The following ABCG2 variants were observed in gnomAD, a reference collection of about 807,000 sequenced individuals.
ABCG2 encodes the protein broad substrate specificity ATP-binding cassette transporter ABCG2.
A neutral mutation model predicts 73.5 loss-of-function variants in ABCG2; 80 were observed. The ratio of observed to expected loss-of-function variants is 1.09; its 90% CI spans 0.91 to 1.31. The LOEUF (loss-of-function observed/expected upper bound fraction) is 1.31, where lower values mean the gene tolerates loss of function less well. ABCG2 is among the 50% of genes most tolerant of loss of function. The pLI is 0.00. For synonymous variants in ABCG2, 269 were observed against 282.4 expected, an observed-to-expected ratio of 0.95 and a Z score of 0.48; for missense variants, 796 against 786.2, an observed-to-expected ratio of 1.01 and a Z score of -0.15.
At chr4:88,211,256 T>C (rs570727555) in intron 1 of ABCG2, among the ~76,000 whole-genome samples, 9 of 152,002 alleles carry the variant, frequency 5.9e-5, no homozygotes, top group African/African-American at 2.2e-4. Flanking sequence ...CACGTGCTTG[T>C]TTGTTACATA....
At chr4:88,107,638 A>G (rs764838978) in intron 9 of ABCG2, among the ~76,000 whole-genome samples, 1 of 152,220 alleles carries the variant, frequency 6.6e-6, no homozygotes, top group Non-Finnish European at 1.5e-5. Flanking sequence ...AGCAAAGTCC[A>G]AGTGCCTAAG....
At chr4:88,131,767 A>C (rs1440185096) in intron 4 of ABCG2, 36 bp downstream of exon 4, 2 of 1,494,346 alleles carry the variant, frequency 1.3e-6, no homozygotes, top group African/African-American at 2.8e-5. Context: ...ATATAGAAAC[A>C]GAGGAAACAG....
At chr4:88,227,445 T>G (rs1730267314) in intron 1 of ABCG2, among the ~76,000 whole-genome samples, 1 of 152,100 alleles carries the variant, frequency 6.6e-6, no homozygotes, top group Non-Finnish European at 1.5e-5. Context: ...AAAAGTACAC[T>G]AATACCCCCT....
intron 1 of ABCG2, among the ~76,000 whole-genome samples, chr4:88,153,216 G>A (rs1437158706): frequency 2.6e-4 from 3 of 11,594 alleles, no homozygotes; most frequent in Admixed American, 2.8e-3. Flanking sequence ...TAAACCGGCA[G>A]TGTAAACAAG....
chr4:88,172,412 T>C (rs1328534438), intron 1 of ABCG2, among the ~76,000 whole-genome samples: 3 of 151,600 alleles, frequency 2.0e-5, no homozygotes, highest in Non-Finnish European at 4.4e-5. Flanking sequence ...ACCCCGTCTC[T>C]ACTAAAAATA....
Position 88,095,551 on chromosome 4 carries a change from T to C in ABCG2, c.1706A>G (p.Gln569Arg), listed in dbSNP as rs770722837. 1.2e-6 allele frequency: 2 copies of C among 1,613,740 alleles called. No homozygotes were observed. Among genetic ancestry groups the C allele is most frequent in the Non-Finnish European group, 1.7e-6 (2 of 1,179,706 alleles). The change falls in exon 14 of 16, where the codon CAG (glutamine) becomes CGG (arginine). Residue 569 changes from glutamine (Q) to arginine (R), a missense_variant. Transcript: ENST00000237612. ...TTIASWLSWL[Q>R]YFSIPRYGFT... is the part of the protein sequence containing the mutation. ...TCCATATCGTGGAATGCTGAAGTACTGAAGCCATGACAGCCAAGATGCAAT... is the reference window on the plus strand; with the variant it reads ...TCCATATCGTGGAATGCTGAAGTACCGAAGCCATGACAGCCAAGATGCAAT...
Position 88,213,806 on chromosome 4 carries a change from C to T in ABCG2, c.-20+17188G>A, listed in dbSNP as rs574270055. 1.5e-3 allele frequency among the ~76,000 whole-genome samples: 231 copies of T among 151,754 alleles called. 1 individual carries two copies. The highest frequency in any genetic ancestry group is 5.5e-3 in the African/African-American group (227 of 41,338). On this transcript the variant is annotated intron_variant, in intron 1 of 15. Transcript: ENST00000515655. ...CAAGCGATTCCCCTGCCTCAGCCTC[C>T]GGAGTAGCTGGGACTATAGGCACCT...
chr4:88,215,034 G>A (rs1356179791), intron 1 of ABCG2, among the ~76,000 whole-genome samples: 1 of 152,114 alleles, frequency 6.6e-6, no homozygotes, highest in African/African-American at 2.4e-5. Context: ...TGAGGTTTCA[G>A]TGAGCCATAA....
At chr4:88,218,835 C>T (rs1729906450) in intron 1 of ABCG2, among the ~76,000 whole-genome samples, 1 of 152,190 alleles carries the variant, frequency 6.6e-6, no homozygotes, top group Non-Finnish European at 1.5e-5. Flanking sequence ...TTACCTACAT[C>T]ATTGGTTGGT....
At position 88,150,607 on chromosome 4, in the gene ABCG2, G is replaced by T. The variant is rs375323816; in HGVS notation, c.-20+7779C>A. Among the ~76,000 whole-genome samples, 3 of 152,320 alleles carry T rather than the reference G, an allele frequency of 2.0e-5. No homozygotes were observed. The South Asian group carries it at 6.2e-4, about 32-fold the overall frequency. On this transcript the variant is annotated intron_variant, in intron 1 of 15. Transcript: ENST00000237612. ...GCTTCCCTGGGCCACACTGGAAGAA[G>T]AATTGTCTTGGGCCACATATAAAAC... is the stretch of plus-strand genomic sequence containing the variant.
At position 88,107,268 on chromosome 4, in the gene ABCG2, T is replaced by C; in HGVS notation, c.1195-2A>G. On this transcript the variant is annotated splice_acceptor_variant, in intron 9 of 15. Coordinates refer to ENST00000237612, the MANE Select transcript of ABCG2 (RefSeq NM_004827.3). LOFTEE classifies it high-confidence loss of function. ...TCCCAGTACGACTGTGACAATGATC[T>C]TTTCAAAAAGAAAAATGCAAAAAAA... 1 of 1,590,858 alleles carries C rather than the reference T, an allele frequency of 6.3e-7. No individual in the cohort carries two copies. Among genetic ancestry groups the C allele is most frequent in the Non-Finnish European group, 8.5e-7 (1 of 1,173,348 alleles).
chr4:88,207,859 C>T (rs1480653078), intron 1 of ABCG2, among the ~76,000 whole-genome samples: 1 of 152,090 alleles, frequency 6.6e-6, no homozygotes, highest in Non-Finnish European at 1.5e-5. Flanking sequence ...TTGTTTTTTT[C>T]AATATCCCTG....
chr4:88,194,881 G>A, intron 1 of ABCG2, among the ~76,000 whole-genome samples: 1 of 152,128 alleles, frequency 6.6e-6, no homozygotes, highest in East Asian at 1.9e-4. Context: ...AAGGCCTGGT[G>A]GCTCACTGGG....
chr4:88,142,174 C>T (rs1243772923), intron 1 of ABCG2, among the ~76,000 whole-genome samples: 4 of 151,952 alleles, frequency 2.6e-5, no homozygotes, highest in East Asian at 1.9e-4. Context: ...GTCTGTCATA[C>T]GCATAACAGG....
chr4:88,213,134 G>A (rs926327530), intron 1 of ABCG2, among the ~76,000 whole-genome samples: 8 of 151,980 alleles, frequency 5.3e-5, no homozygotes, highest in East Asian at 1.9e-4. Flanking sequence ...AAACTCCTGC[G>A]CTCAAGCAAT....
chr4:88,117,201 A>G (rs1456794995), intron 7 of ABCG2, among the ~76,000 whole-genome samples: 1 of 152,014 alleles, frequency 6.6e-6, no homozygotes, highest in Non-Finnish European at 1.5e-5. Context: ...GCATGTGTCT[A>G]TAGTCCCAGC....
At chr4:88,101,017 C>T (rs1373229490) in intron 11 of ABCG2, among the ~76,000 whole-genome samples, 1 of 152,176 alleles carries the variant, frequency 6.6e-6, no homozygotes, top group Non-Finnish European at 1.5e-5. Context: ...TGCTTTTTCT[C>T]AATGAATATT....
At chr4:88,094,680 G>C in intron 14 of ABCG2, 21 bp from the exon 15 acceptor site, 1 of 1,589,180 alleles carries the variant, frequency 6.3e-7, no homozygotes, top group Non-Finnish European at 8.6e-7. Context: ...AGTGGGAGCA[G>C]GGCAAGGTAA....
At chr4:88,116,482 A>G (rs890131342) in intron 7 of ABCG2, among the ~76,000 whole-genome samples, 1 of 152,132 alleles carries the variant, frequency 6.6e-6, no homozygotes, top group Non-Finnish European at 1.5e-5. Context: ...ATATCCAAAT[A>G]TATCTAAAAT....
Sources: allele counts gnomAD v4.1 joint callset (sites outside exome capture counted in the v4.1 genomes callset), GRCh38; gene constraint gnomAD v4.1.1; transcripts MANE v1.5; gene names NCBI Gene and HGNC (gene_info 2026-07-23, HGNC 2026-07-21).